LRRC3: variants seen among roughly 807,000 people sequenced by gnomAD.
The protein encoded by LRRC3 is leucine-rich repeat-containing protein 3.
For missense variants in LRRC3, 351 were observed against 361.6 expected, an observed-to-expected ratio of 0.97 and a Z score of 0.24; for synonymous variants, 172 against 164.1, an observed-to-expected ratio of 1.05 and a Z score of -0.37.
In LRRC3 at chr21:44,458,769, G is replaced by T. The variant is rs78485053; in HGVS notation, c.*1351G>T. On this transcript the variant is annotated 3_prime_UTR_variant, in exon 2 of 2. Transcript: ENST00000291592. The stretch of plus-strand genomic sequence containing the variant: ...AAGTACTTTGAGTATTTTTGGGGGG[G>T]GTGTAAATGAGTGATCAGTGTACAT... 3.0e-5 allele frequency: 5 copies of T among 166,916 alleles called. No homozygotes were observed. Among genetic ancestry groups the T allele is most frequent in the Admixed American group, 1.3e-4 (2 of 15,274 alleles). The allele number at this position is 166,916 out of a possible 1,614,324, so 10.3% of individuals were successfully genotyped here. A position where few individuals can be genotyped will look rare whatever the true frequency, so the allele number is the denominator to read the frequency against.
Position 44,457,586 on chromosome 21 carries a change from C to T in LRRC3, c.*168C>T, listed in dbSNP as rs1033117410. ...AGGCTGGGTGGTTTTGCCACACATC[C>T]GTGTGACGGATGAGGAACCTGAAGC... On this transcript the variant is annotated 3_prime_UTR_variant, in exon 2 of 2. Transcript: ENST00000291592. The T allele has an allele frequency of 1.6e-5, 11 of 692,816 alleles. No individual in the cohort carries two copies. The highest frequency in any genetic ancestry group is 3.3e-5 in the Admixed American group (1 of 30,586). 42.9% of individuals were successfully genotyped at this position (692,816 alleles called of 1,614,324 possible).
At position 44,461,530 on chromosome 21, in the gene LRRC3, T is replaced by C. The variant is rs2051746289; in HGVS notation, c.*4112T>C. ...TGAGGTTGGGCTAAACCTGGACATG[T>C]GTTTCATAACCAAAGCAGCCAGGAA... On this transcript the variant is annotated 3_prime_UTR_variant, in exon 2 of 2. Transcript: ENST00000291592. The C allele has an allele frequency of 6.6e-6, 1 of 152,252 alleles. No individual in the cohort carries two copies. Among genetic ancestry groups the C allele is most frequent in the African/African-American group, 2.4e-5 (1 of 41,448 alleles). 9.4% of individuals were successfully genotyped at this position (152,252 alleles called of 1,614,324 possible). A position where few individuals can be genotyped will look rare whatever the true frequency, so the allele number is the denominator to read the frequency against.
chr21:44,457,046 C>A lies in LRRC3; in HGVS notation c.402C>A (p.Gly134=), dbSNP rs755443590. 1 of 1,606,310 alleles carries A rather than the reference C, an allele frequency of 6.2e-7. No individual in the cohort carries two copies. Among genetic ancestry groups the A allele is most frequent in the Non-Finnish European group, 8.5e-7 (1 of 1,179,130 alleles). Residue 134 remains glycine, a synonymous_variant, in exon 2 of 2, where the codon GGC becomes GGA. Transcript: ENST00000291592. The part of the protein sequence containing the change: ...RIQRIPKDAL[G]KLSAKIRLSH... ...AGAGGATCCCCAAGGACGCCCTGGG[C>A]AAACTCAGCGCCAAGATACGCCTGT... is the stretch of plus-strand genomic sequence containing the variant.
chr21:44,456,818 C>T lies in LRRC3; in HGVS notation c.174C>T (p.Val58=), dbSNP rs2146449141. The T allele has an allele frequency of 6.2e-7, 1 of 1,611,794 alleles. No homozygotes were observed. Among genetic ancestry groups the T allele is most frequent in the Non-Finnish European group, 8.5e-7 (1 of 1,179,504 alleles). ...VFCSLRGLQE[V]PEDIPANTVL... Reference sequence around the variant, plus strand: ...GCAGCTTGCGGGGCCTTCAGGAGGTCCCCGAGGACATCCCGGCCAACACCG... The same window carrying T: ...GCAGCTTGCGGGGCCTTCAGGAGGTTCCCGAGGACATCCCGGCCAACACCG... Residue 58 remains valine, a synonymous_variant, in exon 2 of 2, where the codon GTC becomes GTT. Transcript: ENST00000291592.
At chr21:44,455,860 G>A (rs561361617) in intron 1 of LRRC3, among the ~76,000 whole-genome samples, 1 of 152,024 alleles carries the variant, frequency 6.6e-6, no homozygotes, top group Admixed American at 6.5e-5. Context: ...CGGGCCGCGC[G>A]CACAGGGCTT....
At position 44,457,308 on chromosome 21, in the gene LRRC3, G is replaced by A. The variant is rs1363252958; in HGVS notation, c.664G>A (p.Val222Ile). 4 of 1,613,692 alleles carry A rather than the reference G, an allele frequency of 2.5e-6. No homozygotes were observed. The highest frequency in any genetic ancestry group is 2.2e-5 in the East Asian group (1 of 44,880). ...CTGGTTCGCCATGGTGATCGCCTAC[G>A]TCGTGTACTATGTGCGCCACAACCA... ...FGWFAMVIAYVVYYVRHNQED... is the reference protein window; with the variant it reads ...FGWFAMVIAYIVYYVRHNQED... The change falls in exon 2 of 2, where the codon GTC becomes ATC. Residue 222 changes from valine to isoleucine, a missense_variant. Transcript: ENST00000291592.
In LRRC3 at chr21:44,456,723, C is replaced by T. The variant is rs780296763; in HGVS notation, c.79C>T (p.Leu27=). 6.8e-6 allele frequency: 11 copies of T among 1,609,756 alleles called. No homozygotes were observed. Among genetic ancestry groups the T allele is most frequent in the Non-Finnish European group, 9.3e-6 (11 of 1,179,866 alleles). The change falls in exon 2 of 2, where the codon CTG becomes TTG. Residue 27 remains leucine, a synonymous_variant. Coordinates refer to ENST00000291592, the MANE Select transcript of LRRC3 (RefSeq NM_030891.6). ...RESCLFLLFC[L]HLGAACPQPC... is the part of the protein sequence containing the mutation. The stretch of plus-strand genomic sequence containing the variant: ...GTCTTGTCTCTTCCTCCTCTTCTGC[C>T]TGCACCTGGGCGCCGCCTGCCCACA...
Position 44,457,619 on chromosome 21 carries a change from A to G in LRRC3, c.*201A>G. On this transcript the variant is annotated 3_prime_UTR_variant, in exon 2 of 2. Coordinates refer to ENST00000291592, the MANE Select transcript of LRRC3 (RefSeq NM_030891.6). ...GGATGAGGAACCTGAAGCTTAGAGG[A>G]ACGGAATGACTGCCCGTGACGATAC... 1 of 604,832 alleles carries G rather than the reference A, an allele frequency of 1.7e-6. No individual in the cohort carries two copies. Among genetic ancestry groups the G allele is most frequent in the Non-Finnish European group, 2.9e-6 (1 of 342,268 alleles). 37.5% of individuals were successfully genotyped at this position (604,832 alleles called of 1,614,324 possible).
rs1270166864 is a variant in LRRC3 at position 44,457,211 on chromosome 21, G to A, written c.567G>A (p.Leu189=). The stretch of plus-strand genomic sequence containing the variant: ...TGGGGAAGCCTCTGGTTCAGGCTCT[G>A]GATGCGGGTGCCAGCCTCTGCAGCG... ...EFVGKPLVQA[L]DAGASLCSVP... The change falls in exon 2 of 2, where the codon CTG becomes CTA. Residue 189 remains leucine, a synonymous_variant. Coordinates refer to ENST00000291592, the MANE Select transcript of LRRC3 (RefSeq NM_030891.6). 6.2e-7 allele frequency: 1 copy of A among 1,613,982 alleles called. No homozygotes were observed. Among genetic ancestry groups the A allele is most frequent in the Admixed American group, 1.7e-5 (1 of 60,034 alleles).
At position 44,456,398 on chromosome 21, in the gene LRRC3, A is replaced by G. The variant is rs547113545; in HGVS notation, c.-147-100A>G. Reference sequence around the variant, plus strand: ...CCCCAGACCCTTCAGTGGGCCCTCAACACCCTCCCCACCAGTGGACGCGTT... The same window carrying G: ...CCCCAGACCCTTCAGTGGGCCCTCAGCACCCTCCCCACCAGTGGACGCGTT... On this transcript the variant is annotated intron_variant, in intron 1 of 1. Coordinates refer to ENST00000291592, the MANE Select transcript of LRRC3 (RefSeq NM_030891.6). 24 of 547,148 alleles carry G rather than the reference A, an allele frequency of 4.4e-5. No homozygotes were observed. In the African/African-American group the frequency reaches 4.6e-4, roughly 10 times the overall value. The allele number at this position is 547,148 out of a possible 1,614,324, so 33.9% of individuals were successfully genotyped here. A position where few individuals can be genotyped will look rare whatever the true frequency, so the allele number is the denominator to read the frequency against.
Position 44,458,924 on chromosome 21 carries a change from T to C in LRRC3, c.*1506T>C, listed in dbSNP as rs1423637200. ...TTGGAAGGTGAGAGCCTGTCCAGGGTGTGTGCACTGGTTCTGAGGTACCCC... is the reference window on the plus strand; with the variant it reads ...TTGGAAGGTGAGAGCCTGTCCAGGGCGTGTGCACTGGTTCTGAGGTACCCC... On this transcript the variant is annotated 3_prime_UTR_variant, in exon 2 of 2. Transcript: ENST00000291592. 6.0e-6 allele frequency: 1 copy of C among 166,720 alleles called. No homozygotes were observed. Among genetic ancestry groups the C allele is most frequent in the Non-Finnish European group, 1.5e-5 (1 of 68,122 alleles). The allele number at this position is 166,720 out of a possible 1,614,324, so 10.3% of individuals were successfully genotyped here.
Position 44,456,858 on chromosome 21 carries a change from G to C in LRRC3, c.214G>C (p.Asp72His). The change falls in exon 2 of 2, where the codon GAT becomes CAT. Residue 72 changes from aspartate (D) to histidine (H), a missense_variant. Asp to His is a moderately conservative substitution (Grantham distance 81). Coordinates refer to ENST00000291592, the MANE Select transcript of LRRC3 (RefSeq NM_030891.6). ...GGCCAACACCGTGCTCCTGAAGCTC[G>C]ATGCCAACAAGATCTCCCACCTCCC... ...IPANTVLLKL[D>H]ANKISHLPDG... 1 of 1,610,168 alleles carries C rather than the reference G, an allele frequency of 6.2e-7. No individual in the cohort carries two copies.
At chr21:44,455,798 C>T (rs1319105907) in intron 1 of LRRC3, 143 bp downstream of exon 1, 1 of 152,028 alleles carries the variant, frequency 6.6e-6, no homozygotes, top group Admixed American at 6.6e-5. Context: ...TCCTGGGGGT[C>T]CGAGCCTCTC....
In LRRC3 at chr21:44,458,517, C is replaced by T. The variant is rs572514154; in HGVS notation, c.*1099C>T. The T allele has an allele frequency of 6.0e-6, 1 of 167,042 alleles. No homozygotes were observed. The highest frequency in any genetic ancestry group is 1.5e-5 in the Non-Finnish European group (1 of 68,128). The allele number at this position is 167,042 out of a possible 1,614,324, so 10.3% of individuals were successfully genotyped here. The stretch of plus-strand genomic sequence containing the variant: ...ATATAAAACAGCTCTTTTTCCAAGG[C>T]CCGGAGTACTGGGGATTGATGTTTC... On this transcript the variant is annotated 3_prime_UTR_variant, in exon 2 of 2. Transcript: ENST00000291592.
At chr21:44,455,885 C>T (rs2051695413) in intron 1 of LRRC3, among the ~76,000 whole-genome samples, 1 of 152,076 alleles carries the variant, frequency 6.6e-6, no homozygotes, top group East Asian at 1.9e-4. Context: ...TCTCTGTTTT[C>T]TCGGTTTCCT....
Position 44,458,258 on chromosome 21 carries a change from G to C in LRRC3, c.*840G>C, listed in dbSNP as rs911356062. 1 of 154,444 alleles carries C rather than the reference G, an allele frequency of 6.5e-6. No individual in the cohort carries two copies. The highest frequency in any genetic ancestry group is 1.5e-5 in the Non-Finnish European group (1 of 68,084). The allele number at this position is 154,444 out of a possible 1,614,324, so 9.6% of individuals were successfully genotyped here. A position where few individuals can be genotyped will look rare whatever the true frequency, so the allele number is the denominator to read the frequency against. On this transcript the variant is annotated 3_prime_UTR_variant, in exon 2 of 2. Coordinates refer to ENST00000291592, the MANE Select transcript of LRRC3 (RefSeq NM_030891.6). ...AGCTCACTGCAACCTTTGCCTCCCA[G>C]GCTCAATCACTTCTGCTGCCTCAGC... is the stretch of plus-strand genomic sequence containing the variant.
In LRRC3 at chr21:44,457,263, A is replaced by G; in HGVS notation, c.619A>G (p.Met207Val). 6.2e-6 allele frequency: 10 copies of G among 1,613,908 alleles called. No individual in the cohort carries two copies. The highest frequency in any genetic ancestry group is 1.3e-5 in the African/African-American group (1 of 75,064). The change falls in exon 2 of 2, where the codon ATG becomes GTG. Residue 207 changes from methionine to valine, a missense_variant. Coordinates refer to ENST00000291592, the MANE Select transcript of LRRC3 (RefSeq NM_030891.6). ...CCCCCACAGGACCACAGACGTGGCC[A>G]TGCTGGTCACCATGTTCGGCTGGTT... ...SVPHRTTDVA[M>V]LVTMFGWFAM...
Position 44,457,133 on chromosome 21 carries a change from C to T in LRRC3, c.489C>T (p.Asp163=), listed in dbSNP as rs2051710382. The part of the protein sequence containing the change: ...LQEALWELKL[D]PDSVDEIACH... Reference sequence around the variant, plus strand: ...AGGCCCTGTGGGAGCTGAAGCTGGACCCCGACTCTGTGGACGAGATCGCCT... The same window carrying T: ...AGGCCCTGTGGGAGCTGAAGCTGGATCCCGACTCTGTGGACGAGATCGCCT... Residue 163 remains aspartate (D), a synonymous_variant, in exon 2 of 2, where the codon GAC becomes GAT. Coordinates refer to ENST00000291592, the MANE Select transcript of LRRC3 (RefSeq NM_030891.6). 6.2e-7 allele frequency: 1 copy of T among 1,612,864 alleles called. No homozygotes were observed. Among genetic ancestry groups the T allele is most frequent in the Non-Finnish European group, 8.5e-7 (1 of 1,180,038 alleles).
rs765997135 is a variant in LRRC3 at position 44,457,320 on chromosome 21, G to A, written c.676G>A (p.Val226Met). The change falls in exon 2 of 2, where the codon GTG becomes ATG. Residue 226 changes from valine to methionine, a missense_variant. Physicochemically the swap from Val to Met is conservative, Grantham distance 21. Coordinates refer to ENST00000291592, the MANE Select transcript of LRRC3 (RefSeq NM_030891.6). ...GGTGATCGCCTACGTCGTGTACTATGTGCGCCACAACCAGGAGGATGCCCG... is the reference window on the plus strand; with the variant it reads ...GGTGATCGCCTACGTCGTGTACTATATGCGCCACAACCAGGAGGATGCCCG... ...AMVIAYVVYY[V>M]RHNQEDARRH... The A allele has an allele frequency of 1.2e-6, 2 of 1,613,310 alleles. No individual in the cohort carries two copies. The highest frequency in any genetic ancestry group is 2.2e-5 in the East Asian group (1 of 44,860).
Sources: allele counts gnomAD v4.1 joint callset (sites outside exome capture counted in the v4.1 genomes callset), GRCh38; gene constraint gnomAD v4.1.1; transcripts MANE v1.5; gene names NCBI Gene and HGNC (gene_info 2026-07-23, HGNC 2026-07-21).